The following DCAF17 variants were observed in gnomAD, a reference collection of about 807,000 sequenced individuals.
DCAF17 encodes DDB1- and CUL4-associated factor 17.
DCAF17 carries 48 observed loss-of-function variants against 66.0 expected under a neutral mutation model. That is an observed-to-expected ratio of 0.73 (90% CI 0.58 to 0.92). The LOEUF is 0.92. DCAF17 is among the 40% of genes least tolerant of loss of function. The pLI is 0.00. For missense variants in DCAF17, 562 were observed against 622.8 expected (o/e 0.90, Z 1.04); for synonymous variants, 206 against 214.6 (o/e 0.96, Z 0.35).
At chr2:171,480,689 G>A (rs1044309109) in intron 13 of DCAF17, among the ~76,000 whole-genome samples, 6 of 152,104 alleles carry the variant, frequency 3.9e-5, no homozygotes, top group Non-Finnish European at 5.9e-5. Context: ...TTGGCACCTC[G>A]TAAATGATCA....
intron 12 of DCAF17, chr2:171,479,534 AT>A (rs11311213): frequency 0.021 from 3,225 of 156,588 alleles, 96 homozygotes; most frequent in African/African-American, 0.066. Context: ...AACCAAAAGG[AT>A]TTTTTTTTAA....
At chr2:171,470,531 C>T (rs752153207) in intron 9 of DCAF17, among the ~76,000 whole-genome samples, 1 of 152,126 alleles carries the variant, frequency 6.6e-6, no homozygotes, top group Non-Finnish European at 1.5e-5. Context: ...CTTCCATTTC[C>T]CCAAGTACTT....
At chr2:171,473,583 C>G (rs1279959433) in intron 9 of DCAF17, among the ~76,000 whole-genome samples, 1 of 152,030 alleles carries the variant, frequency 6.6e-6, no homozygotes, top group Non-Finnish European at 1.5e-5. Flanking sequence ...CAGTTCCTGA[C>G]ACAAAGTAGA....
chr2:171,465,059 G>A (rs141357604), intron 8 of DCAF17, among the ~76,000 whole-genome samples: 274 of 152,174 alleles, frequency 1.8e-3, no homozygotes, highest in Non-Finnish European at 3.4e-3. Flanking sequence ...TTAGCCAGGC[G>A]TGGTGGTGTG....
chr2:171,434,756 G>A, intron 1 of DCAF17, 53 bp downstream of exon 1: 1 of 1,389,520 alleles, frequency 7.2e-7, no homozygotes, highest in Non-Finnish European at 9.2e-7. Flanking sequence ...CGCGGCGGCC[G>A]AGCCTCCTGC....
intron 3 of DCAF17, among the ~76,000 whole-genome samples, chr2:171,444,853 T>C (rs1214126636): frequency 6.6e-6 from 1 of 152,210 alleles, no homozygotes; most frequent in East Asian, 1.9e-4. Flanking sequence ...ACATAAAGTT[T>C]TAGTTTTCTG....
chr2:171,479,983 A>G (rs1459732921), intron 12 of DCAF17, 55 bp from the exon 13 acceptor site: 1 of 1,587,154 alleles, frequency 6.3e-7, no homozygotes, highest in East Asian at 2.2e-5. Context: ...AAATAAGCCT[A>G]CCTGAATAAC....
At chr2:171,445,081 T>C (rs550947160) in intron 3 of DCAF17, among the ~76,000 whole-genome samples, 1 of 152,278 alleles carries the variant, frequency 6.6e-6, no homozygotes, top group South Asian at 2.1e-4. Flanking sequence ...AAGTTTTTAA[T>C]ACACTAGTAT....
At chr2:171,471,342 A>C (rs1209215568) in intron 9 of DCAF17, among the ~76,000 whole-genome samples, 2 of 152,226 alleles carry the variant, frequency 1.3e-5, no homozygotes, top group African/African-American at 4.8e-5. Context: ...TTCTCTATTA[A>C]ACTGAGCTTT....
chr2:171,450,780 TG>T (rs1344399072), intron 5 of DCAF17, among the ~76,000 whole-genome samples: 15 of 152,210 alleles, frequency 9.9e-5, no homozygotes, highest in Admixed American at 9.8e-4. Flanking sequence ...GGCACTGATC[TG>T]AGTTCTTTAC....
At chr2:171,455,767 A>T (rs1695221332) in intron 6 of DCAF17, among the ~76,000 whole-genome samples, 1 of 152,166 alleles carries the variant, frequency 6.6e-6, no homozygotes, top group African/African-American at 2.4e-5. Flanking sequence ...ATGATCAGTG[A>T]TGTTGAGCTT....
At chr2:171,450,610 C>CT (rs1387518898) in intron 5 of DCAF17, among the ~76,000 whole-genome samples, 1 of 152,032 alleles carries the variant, frequency 6.6e-6, no homozygotes, top group Non-Finnish European at 1.5e-5. Flanking sequence ...ATATAGACTG[C>CT]TTTTAGAGGT....
At chr2:171,434,811 C>T (rs911020579) in intron 1 of DCAF17, 108 bp downstream of exon 1, 2 of 1,398,852 alleles carry the variant, frequency 1.4e-6, no homozygotes. Flanking sequence ...TATAGGGTCA[C>T]ATGTGATGGG....
At position 171,483,312 on chromosome 2, in the gene DCAF17, T is replaced by G. The variant is rs546776106; in HGVS notation, c.*2198T>G. 4 of 454,098 alleles carry G rather than the reference T, an allele frequency of 8.8e-6. No homozygotes were observed. The East Asian group carries it at 2.8e-4, about 32-fold the overall frequency. The allele number at this position is 454,098 out of a possible 1,614,324, so 28.1% of individuals were successfully genotyped here. A position where few individuals can be genotyped will look rare whatever the true frequency, so the allele number is the denominator to read the frequency against. On this transcript the variant is annotated 3_prime_UTR_variant, in exon 14 of 14. Transcript: ENST00000375255. ...TGCCCACCTACTTAACAGGTACTAG[T>G]GACAGGTACAAAACATTATGGGTAA...
chr2:171,448,722 C>T lies in DCAF17; in HGVS notation c.363C>T (p.Leu121=), dbSNP rs765706124. 2 of 1,612,622 alleles carry T rather than the reference C, an allele frequency of 1.2e-6. No individual in the cohort carries two copies. Among genetic ancestry groups the T allele is most frequent in the South Asian group, 1.1e-5 (1 of 90,974 alleles). ...LPNSSDYKSS[L]IALTAHNWLL... is the part of the protein sequence containing the mutation. ...ATTCATCAGATTATAAGTCCTCACT[C>T]ATAGCACTGACTGCTCATAATTGGC... is the stretch of plus-strand genomic sequence containing the variant. Residue 121 remains leucine, a synonymous_variant, in exon 4 of 14, where the codon CTC becomes CTT. Transcript: ENST00000375255.
intron 11 of DCAF17, 35 bp from the exon 12 acceptor site, chr2:171,477,952 C>T: frequency 1.3e-6 from 2 of 1,572,350 alleles, no homozygotes; most frequent in Non-Finnish European, 1.8e-6. Flanking sequence ...TGTAATAGAA[C>T]TTGTCATATC....
chr2:171,467,623 A>C (rs903541913), intron 8 of DCAF17, among the ~76,000 whole-genome samples: 3 of 149,692 alleles, frequency 2.0e-5, no homozygotes, highest in African/African-American at 7.3e-5. Context: ...TGTAATACTT[A>C]GGAGGCTGAG....
rs183031320 is a variant in DCAF17 at position 171,457,987 on chromosome 2, C to T, written c.644C>T (p.Thr215Ile). 2.5e-6 allele frequency: 4 copies of T among 1,614,060 alleles called. No individual in the cohort carries two copies. The highest frequency in any genetic ancestry group is 3.4e-6 in the Non-Finnish European group (4 of 1,179,936). ...CCCCGCCAGATTTTTGGGAACGTTA[C>T]AGATGCTACCTTGTCTCATGGAATA... ...EINKKIFGNV[T>I]DATLSHGILI... Residue 215 changes from threonine (T) to isoleucine (I), a missense_variant, in exon 7 of 14, where the codon ACA (threonine) becomes ATA (isoleucine). Thr to Ile is a moderately conservative substitution (Grantham distance 89). Around this residue, in one of 3 missense-constraint regions of DCAF17, gnomAD observed 348 missense variants for 355.9 expected, o/e 0.98. Transcript: ENST00000375255.
intron 3 of DCAF17, 112 bp downstream of exon 3, chr2:171,443,725 G>GC (rs1236474405): frequency 2.6e-5 from 22 of 836,462 alleles, no homozygotes; most frequent in Non-Finnish European, 4.3e-5. Flanking sequence ...AGTGACTCTT[G>GC]CATCTTTAAA....
Sources: gnomAD v4.1 joint callset for allele counts (sites outside exome capture counted in the v4.1 genomes callset) on GRCh38, gnomAD v4.1.1 for gene constraint, gnomAD v4.1.1 regional missense constraint, MANE v1.5 for transcripts, NCBI Gene and HGNC (gene_info 2026-07-23, HGNC 2026-07-21) for gene names.